Variants in PGM5 observed in about 807,000 individuals in gnomAD.
PGM5 encodes the protein phosphoglucomutase-like protein 5.
Under a neutral mutation model 59.2 loss-of-function variants are expected in PGM5, and 23 were observed. That is an observed-to-expected ratio of 0.39 (90% CI 0.28 to 0.55). The LOEUF (loss-of-function observed/expected upper bound fraction) is 0.55. Ranked by LOEUF, PGM5 falls within the 20% of genes least tolerant of loss-of-function variation. The probability of loss-of-function intolerance (pLI) is 0.66; values close to 1 mark genes in which losing one functional copy is unlikely to be tolerated. For missense variants in PGM5, 574 were observed against 748.3 expected (o/e 0.77, Z 2.72); for synonymous variants, 214 against 286.0 (o/e 0.75, Z 2.54).
At chr9:68,384,639 T>C in intron 3 of PGM5, 95 bp downstream of exon 3, 1 of 772,710 alleles carries the variant, frequency 1.3e-6, no homozygotes, top group Middle Eastern at 2.5e-4. Context: ...ATTATTGCAT[T>C]GTTAATCTCA....
At chr9:68,447,419 G>GGAGA (rs146301142) in intron 6 of PGM5, among the ~76,000 whole-genome samples, 3 of 150,106 alleles carry the variant, frequency 2.0e-5, no homozygotes, top group African/African-American at 7.3e-5. Context: ...GCTCGAGTTT[G>GGAGA]GAGAGAGAGA....
At chr9:68,446,994 C>T (rs189897175) in intron 6 of PGM5, among the ~76,000 whole-genome samples, 1 of 152,262 alleles carries the variant, frequency 6.6e-6, no homozygotes, top group Admixed American at 6.5e-5. Context: ...CTCTGCCCTC[C>T]TGTCAGAACT....
chr9:68,463,187 T>C (rs1823883146), intron 6 of PGM5, among the ~76,000 whole-genome samples: 1 of 152,004 alleles, frequency 6.6e-6, no homozygotes, highest in Admixed American at 6.6e-5. Flanking sequence ...TAGATGTTTT[T>C]TTTTTTTTTC....
intron 10 of PGM5, among the ~76,000 whole-genome samples, chr9:68,501,216 G>A (rs189644523): frequency 6.6e-6 from 1 of 152,006 alleles, no homozygotes; most frequent in East Asian, 1.9e-4. Context: ...TGGCTCGATG[G>A]GCCCCCGAGT....
intron 6 of PGM5, among the ~76,000 whole-genome samples, chr9:68,462,104 G>A (rs1212904136): frequency 6.6e-6 from 1 of 151,958 alleles, no homozygotes; most frequent in South Asian, 2.1e-4. Flanking sequence ...GTTATATCCA[G>A]CATAGTTTTC....
intron 9 of PGM5, among the ~76,000 whole-genome samples, chr9:68,491,270 G>A (rs1351324515): frequency 3.3e-5 from 5 of 152,190 alleles, no homozygotes; most frequent in African/African-American, 1.2e-4. Context: ...TGCATAGCGG[G>A]GGAAACTAGA....
At chr9:68,366,720 C>G (rs1364861362) in intron 1 of PGM5, among the ~76,000 whole-genome samples, 1 of 152,162 alleles carries the variant, frequency 6.6e-6, no homozygotes, top group East Asian at 1.9e-4. Flanking sequence ...GGGGAAGTCG[C>G]CTAGCCTCCT....
At chr9:68,511,385 G>A (rs562650383) in intron 10 of PGM5, among the ~76,000 whole-genome samples, 1 of 152,204 alleles carries the variant, frequency 6.6e-6, no homozygotes, top group East Asian at 1.9e-4. Context: ...TCCTGTTATG[G>A]CCTGAACTAG....
chr9:68,383,854 A>G (rs1262488602), intron 2 of PGM5, among the ~76,000 whole-genome samples: 15 of 151,950 alleles, frequency 9.9e-5, no homozygotes, highest in African/African-American at 3.4e-4. Context: ...GAGGAAATGC[A>G]TCACATATTT....
chr9:68,399,904 A>G (rs1554680420), intron 6 of PGM5, among the ~76,000 whole-genome samples: 1 of 152,078 alleles, frequency 6.6e-6, no homozygotes, highest in Non-Finnish European at 1.5e-5. Flanking sequence ...TCTCTGCATG[A>G]GTCACCTATT....
chr9:68,391,995 TTGAAA>T (rs1822377266), intron 5 of PGM5, among the ~76,000 whole-genome samples: 1 of 152,150 alleles, frequency 6.6e-6, no homozygotes, highest in Non-Finnish European at 1.5e-5. Flanking sequence ...GCTGGTGTTG[TTGAAA>T]GCACCAAGTT....
intron 9 of PGM5, among the ~76,000 whole-genome samples, chr9:68,486,597 A>G (rs115134722): frequency 0.012 from 1,814 of 152,328 alleles, 30 homozygotes; most frequent in African/African-American, 0.041. Context: ...TCCACTTTGT[A>G]CCATATATCA....
chr9:68,368,451 G>A (rs1301673928), intron 1 of PGM5, among the ~76,000 whole-genome samples: 1 of 151,472 alleles, frequency 6.6e-6, no homozygotes, highest in Non-Finnish European at 1.5e-5. Flanking sequence ...ACACAGATGG[G>A]GACAATCAAA....
At chr9:68,365,008 A>G (rs1283817320) in intron 1 of PGM5, among the ~76,000 whole-genome samples, 21 of 152,396 alleles carry the variant, frequency 1.4e-4, no homozygotes, top group African/African-American at 4.6e-4. Context: ...AGAATTTTCT[A>G]TAAAACATCT....
chr9:68,500,333 G>T (rs1253637916), intron 10 of PGM5, among the ~76,000 whole-genome samples: 5 of 151,762 alleles, frequency 3.3e-5, no homozygotes, highest in African/African-American at 1.2e-4. Context: ...TTCATGGTCT[G>T]TTTCTTTGGA....
chr9:68,486,796 G>A (rs547089185), intron 9 of PGM5, among the ~76,000 whole-genome samples: 130 of 152,246 alleles, frequency 8.5e-4, no homozygotes, highest in Non-Finnish European at 1.4e-3. Flanking sequence ...ACTTAGGAGC[G>A]GAATTGCTGG....
At chr9:68,417,566 C>T (rs1823056126) in intron 6 of PGM5, among the ~76,000 whole-genome samples, 1 of 152,032 alleles carries the variant, frequency 6.6e-6, no homozygotes, top group Admixed American at 6.6e-5. Flanking sequence ...ATAGGATAGG[C>T]ATTTTTAACC....
At chr9:68,506,969 C>T (rs1205965358) in intron 10 of PGM5, among the ~76,000 whole-genome samples, 1 of 152,064 alleles carries the variant, frequency 6.6e-6, no homozygotes, top group Non-Finnish European at 1.5e-5. Flanking sequence ...CCTCTCCTTA[C>T]TTTCCCATAT....
intron 1 of PGM5, among the ~76,000 whole-genome samples, chr9:68,362,865 C>CTTTT (rs1163826772): frequency 6.5e-4 from 63 of 96,710 alleles, no homozygotes; most frequent in Middle Eastern, 0.015. Flanking sequence ...TTTTCTTTTT[C>CTTTT]TTTTTTTTTT....
Sources: allele counts gnomAD v4.1 joint callset (sites outside exome capture counted in the v4.1 genomes callset), GRCh38; gene constraint gnomAD v4.1.1; transcripts MANE v1.5; gene names NCBI Gene and HGNC (gene_info 2026-07-23, HGNC 2026-07-21).